SORCS3: variants seen among roughly 807,000 people sequenced by gnomAD.
SORCS3 encodes sortilin related VPS10 domain containing receptor 3, also known as VPS10 domain-containing receptor SorCS3.
SORCS3 carries 57 observed loss-of-function variants against 146.3 expected under a neutral mutation model. The ratio of observed to expected loss-of-function variants is 0.39; its 90% CI spans 0.31 to 0.49. The LOEUF (loss-of-function observed/expected upper bound fraction) is 0.49, where lower values mean the gene tolerates loss of function less well. Ranked by LOEUF, SORCS3 falls within the 20% of genes least tolerant of loss-of-function variation. SORCS3 has a pLI of 0.92. For missense variants in SORCS3, 1,341 were observed against 1,575.5 expected (o/e 0.85, Z 2.52); for synonymous variants, 653 against 618.5 (o/e 1.06, Z -0.83).
intron 3 of SORCS3, among the ~76,000 whole-genome samples, chr10:104,972,745 T>G (rs1011959618): frequency 4.0e-5 from 6 of 151,850 alleles, no homozygotes; most frequent in South Asian, 2.1e-4. Context: ...AATAGGAGTG[T>G]TGAGAGAGGG....
intron 3 of SORCS3, among the ~76,000 whole-genome samples, chr10:104,944,257 A>G (rs779889720): frequency 2.0e-5 from 3 of 152,214 alleles, no homozygotes; most frequent in Non-Finnish European, 4.4e-5. Flanking sequence ...AAAACCATAA[A>G]ACTTTTCAAG....
chr10:104,762,083 A>G (rs1477886099), intron 1 of SORCS3, among the ~76,000 whole-genome samples: 6 of 152,324 alleles, frequency 3.9e-5, no homozygotes, highest in East Asian at 1.9e-4. Context: ...ACCTCTGAAC[A>G]TGAACTCATG....
At chr10:104,865,228 T>TGTGAAAGAAGGAAAGAAGGAA (rs2018446569) in intron 2 of SORCS3, among the ~76,000 whole-genome samples, 1 of 152,020 alleles carries the variant, frequency 6.6e-6, no homozygotes, top group Non-Finnish European at 1.5e-5. Flanking sequence ...GGAGGATCTG[T>TGTGAAAGAAGGAAAGAAGGAA]GTGAAAGAAG....
chr10:104,778,658 C>A (rs1225238944), intron 1 of SORCS3, among the ~76,000 whole-genome samples: 1 of 152,126 alleles, frequency 6.6e-6, no homozygotes, highest in African/African-American at 2.4e-5. Context: ...TAATGAGACC[C>A]AACGGTCGTC....
At chr10:105,097,385 G>C (rs1036217951) in intron 6 of SORCS3, among the ~76,000 whole-genome samples, 2 of 152,076 alleles carry the variant, frequency 1.3e-5, no homozygotes, top group Non-Finnish European at 2.9e-5. Context: ...CCTCCCATTC[G>C]CTTCTGGAAT....
In SORCS3 at chr10:105,099,340, C is replaced by A. The variant is rs369135601; in HGVS notation, c.1094-6057C>A. On this transcript the variant is annotated intron_variant, in intron 6 of 26. Transcript: ENST00000369701. ...TTTAATTCACTTTTTCAATTTGTGA[C>A]AATAGTATATTATTACCCAAAGGAA... Among the ~76,000 whole-genome samples, 8 of 152,182 alleles carry A rather than the reference C, an allele frequency of 5.3e-5. No individual in the cohort carries two copies. The East Asian group carries it at 9.7e-4, about 18-fold the overall frequency.
At chr10:104,674,736 C>T (rs573135858) in intron 1 of SORCS3, among the ~76,000 whole-genome samples, 1 of 152,278 alleles carries the variant, frequency 6.6e-6, no homozygotes, top group African/African-American at 2.4e-5. Flanking sequence ...CAATAGATAG[C>T]TAATATGTAT....
intron 1 of SORCS3, among the ~76,000 whole-genome samples, chr10:104,664,091 C>T (rs534035808): frequency 3.3e-5 from 5 of 152,068 alleles, no homozygotes; most frequent in African/African-American, 1.2e-4. Context: ...CTGGGGGAGG[C>T]GAGGGTGAGG....
chr10:105,163,877 C>T (rs967050463), intron 11 of SORCS3, among the ~76,000 whole-genome samples: 18 of 128,104 alleles, frequency 1.4e-4, no homozygotes, highest in South Asian at 5.2e-4. Context: ...CACACAGTTA[C>T]GCACATACAC....
chr10:104,825,033 G>A (rs2017919025), intron 1 of SORCS3, among the ~76,000 whole-genome samples: 1 of 152,216 alleles, frequency 6.6e-6, no homozygotes, highest in South Asian at 2.1e-4. Context: ...AGCAAGCATT[G>A]GCATGCAGGG....
intron 7 of SORCS3, among the ~76,000 whole-genome samples, chr10:105,137,431 A>G (rs2056066402): frequency 6.6e-6 from 1 of 152,106 alleles, no homozygotes; most frequent in Admixed American, 6.5e-5. Flanking sequence ...CACACTGTGA[A>G]TGTACTAAAA....
chr10:104,894,451 C>T (rs1478373928), intron 2 of SORCS3, among the ~76,000 whole-genome samples: 1 of 152,178 alleles, frequency 6.6e-6, no homozygotes, highest in Admixed American at 6.5e-5. Context: ...TGGAAAATGA[C>T]TTTGTGCTCC....
rs143409105 is a variant in SORCS3, at chr10:104,647,267, G to T, written c.627+5313G>T. 3.3e-3 allele frequency among the ~76,000 whole-genome samples: 499 copies of T among 152,216 alleles called. 2 individuals are homozygous for T. The highest frequency in any genetic ancestry group is 6.1e-3 in the Non-Finnish European group (412 of 68,006). ...GATTGACTCCTGCATTCTGGCCAGG[G>T]CAGCGTCTTCATTGTCCCAAGCATC... On this transcript the variant is annotated intron_variant, in intron 1 of 26. Coordinates refer to ENST00000369701, the MANE Select transcript of SORCS3 (RefSeq NM_014978.3).
At chr10:104,976,763 C>T (rs1486859498) in intron 3 of SORCS3, among the ~76,000 whole-genome samples, 2 of 152,138 alleles carry the variant, frequency 1.3e-5, no homozygotes, top group Non-Finnish European at 2.9e-5. Context: ...TTTGTAGGGA[C>T]ATGGATGAAA....
intron 1 of SORCS3, among the ~76,000 whole-genome samples, chr10:104,789,218 A>G (rs749883095): frequency 1.4e-4 from 21 of 152,214 alleles, no homozygotes; most frequent in Admixed American, 1.0e-3. Context: ...CCAGGCTTCT[A>G]AATGCCTTTC....
chr10:104,739,366 A>G (rs2016814488), intron 1 of SORCS3, among the ~76,000 whole-genome samples: 1 of 152,190 alleles, frequency 6.6e-6, no homozygotes. Context: ...CTATTGTCAC[A>G]TAGAAGTTCA....
chr10:105,093,783 G>T (rs1174702265), intron 6 of SORCS3, among the ~76,000 whole-genome samples: 1 of 152,144 alleles, frequency 6.6e-6, no homozygotes, highest in African/African-American at 2.4e-5. Flanking sequence ...TACATTGCTG[G>T]TGGGGATGCA....
intron 3 of SORCS3, among the ~76,000 whole-genome samples, chr10:104,965,216 A>C (rs990151167): frequency 8.5e-5 from 13 of 152,184 alleles, no homozygotes; most frequent in African/African-American, 3.1e-4. Flanking sequence ...TTCAATTGCA[A>C]GAGTCTTGTT....
At chr10:104,924,907 T>A (rs1852133) in intron 3 of SORCS3, among the ~76,000 whole-genome samples, 74,560 of 151,940 alleles carry the variant, frequency 0.49, 22,033 homozygotes, top group African/African-American at 0.84. Flanking sequence ...TTAATTTTTT[T>A]AAAAAAATTT....
Sources: gnomAD v4.1 joint callset for allele counts (sites outside exome capture counted in the v4.1 genomes callset) on GRCh38, gnomAD v4.1.1 for gene constraint, MANE v1.5 for transcripts, NCBI Gene and HGNC (gene_info 2026-07-23, HGNC 2026-07-21) for gene names.